Variants in ZNF330 observed in about 807,000 individuals in gnomAD.
ZNF330 encodes the protein zinc finger protein 330.
Under a neutral mutation model 45.5 loss-of-function variants are expected in ZNF330, and 31 were observed. The observed-to-expected ratio is 0.68, with a 90% CI of 0.51 to 0.92. The LOEUF is 0.92. Ranked by LOEUF, ZNF330 falls within the 40% of genes least tolerant of loss-of-function variation. The probability of loss-of-function intolerance (pLI) is 0.00; values close to 1 mark genes in which losing one functional copy is unlikely to be tolerated. For missense variants in ZNF330, 356 were observed against 387.4 expected (o/e 0.92, Z 0.68); for synonymous variants, 138 against 123.2 (o/e 1.12, Z -0.79).
chr4:141,231,540 C>A, intron 8 of ZNF330, 55 bp downstream of exon 8: 2 of 1,325,924 alleles, frequency 1.5e-6, no homozygotes, highest in Non-Finnish European at 2.1e-6. Flanking sequence ...CTATACCCCT[C>A]CACCAGTCCT....
At chr4:141,227,833 C>A (rs1252143391) in intron 5 of ZNF330, among the ~76,000 whole-genome samples, 2 of 152,046 alleles carry the variant, frequency 1.3e-5, no homozygotes, top group African/African-American at 2.4e-5. Context: ...ATTTAACATA[C>A]CTCTTCATTA....
At chr4:141,224,868 T>C (rs1013097959) in intron 4 of ZNF330, among the ~76,000 whole-genome samples, 191 bp downstream of exon 4, 8 of 152,122 alleles carry the variant, frequency 5.3e-5, no homozygotes, top group African/African-American at 1.9e-4. Context: ...TTTGTCTCTT[T>C]GATGTAATGC....
chr4:141,223,601 G>A (rs1051553052), intron 2 of ZNF330, among the ~76,000 whole-genome samples: 2 of 152,212 alleles, frequency 1.3e-5, no homozygotes, highest in African/African-American at 4.8e-5. Flanking sequence ...TATTGGGGTT[G>A]GTTGGGTGAG....
chr4:141,223,716 A>C (rs531906472), intron 2 of ZNF330: 1 of 455,974 alleles, frequency 2.2e-6, no homozygotes, highest in African/African-American at 2.0e-5. Context: ...AAATATATAT[A>C]ATGACAGCTA....
intron 2 of ZNF330, chr4:141,222,998 C>T (rs1183711095): frequency 6.6e-6 from 1 of 152,654 alleles, no homozygotes; most frequent in Admixed American, 6.5e-5. Context: ...ATCATTACCT[C>T]TTTCATTGAC....
intron 5 of ZNF330, 65 bp downstream of exon 5, chr4:141,226,911 G>A: frequency 7.5e-7 from 1 of 1,325,914 alleles, no homozygotes; most frequent in Non-Finnish European, 1.1e-6. Flanking sequence ...ATTCTGATCA[G>A]TGGTTATTTT....
chr4:141,229,422 G>T (rs961633398), intron 5 of ZNF330, 149 bp from the exon 6 acceptor site: 4 of 991,034 alleles, frequency 4.0e-6, no homozygotes, highest in Non-Finnish European at 3.0e-6. Flanking sequence ...GGCTTAGAGT[G>T]AGTAGTAAAA....
At position 141,230,246 on chromosome 4, in the gene ZNF330, G is replaced by A; in HGVS notation, c.499G>A (p.Val167Ile). ...ATTTGAGCATCAAGCCAGCTGCCAG[G>A]TTTTAGAGGCAGAAACATTTAAATG... The part of the protein sequence containing the change: ...DQFEHQASCQ[V>I]LEAETFKCVS... Residue 167 changes from valine (V) to isoleucine (I), a missense_variant, in exon 7 of 10, where the codon GTT becomes ATT. Coordinates refer to ENST00000262990, the MANE Select transcript of ZNF330 (RefSeq NM_014487.6). 1 of 1,609,358 alleles carries A rather than the reference G, an allele frequency of 6.2e-7. No individual in the cohort carries two copies. The highest frequency in any genetic ancestry group is 1.1e-5 in the South Asian group (1 of 90,298).
At chr4:141,233,431 A>G (rs1729007461) in intron 9 of ZNF330, among the ~76,000 whole-genome samples, 1 of 152,170 alleles carries the variant, frequency 6.6e-6, no homozygotes, top group South Asian at 2.1e-4. Context: ...TTGAAAATAA[A>G]CTGTCAGTGG....
At chr4:141,232,427 C>A in intron 8 of ZNF330, 98 bp from the exon 9 acceptor site, 1 of 574,830 alleles carries the variant, frequency 1.7e-6, no homozygotes, top group Non-Finnish European at 2.7e-6. Context: ...GTTAATCTCA[C>A]TGCCTTAATA....
intron 7 of ZNF330, 53 bp downstream of exon 7, chr4:141,230,323 A>G: frequency 9.5e-7 from 1 of 1,057,662 alleles, no homozygotes; most frequent in South Asian, 1.7e-5. Flanking sequence ...GAATAGTATA[A>G]TTATTAATCT....
At chr4:141,225,489 T>TC (rs10655485) in intron 4 of ZNF330, among the ~76,000 whole-genome samples, 17,274 of 150,392 alleles carry the variant, frequency 0.11, 3,258 homozygotes, top group African/African-American at 0.39. Flanking sequence ...TAGATTTACA[T>TC]CCCCCCCCAA....
intron 2 of ZNF330, chr4:141,223,733 G>C: frequency 2.2e-6 from 1 of 456,068 alleles, no homozygotes; most frequent in Non-Finnish European, 4.4e-6. Flanking sequence ...GCTAGATTTT[G>C]GAAGTGCTTC....
chr4:141,228,229 TCA>T (rs1335062837), intron 5 of ZNF330, among the ~76,000 whole-genome samples: 2 of 152,178 alleles, frequency 1.3e-5, no homozygotes, highest in Non-Finnish European at 2.9e-5. Flanking sequence ...AAAAACACTT[TCA>T]GTCTTCCTTG....
Position 141,234,027 on chromosome 4 carries a change from A to C in ZNF330, c.*38A>C, listed in dbSNP as rs780167922. 1.0e-5 allele frequency: 16 copies of C among 1,579,102 alleles called. No homozygotes were observed. In the South Asian group the frequency reaches 1.4e-4, roughly 14 times the overall value. ...GGTGGCCGTGTGTGAGAGGAGCAGG[A>C]GTGAGTGTGTGTGCTTGATGAATTG... On this transcript the variant is annotated 3_prime_UTR_variant, in exon 10 of 10. Transcript: ENST00000262990.
chr4:141,229,452 A>G (rs985976225), intron 5 of ZNF330, 119 bp from the exon 6 acceptor site: 8 of 1,282,364 alleles, frequency 6.2e-6, no homozygotes, highest in African/African-American at 1.5e-5. Flanking sequence ...GAAGCGGCCT[A>G]CTATCATTGA....
intron 9 of ZNF330, 100 bp from the exon 10 acceptor site, chr4:141,233,611 TGGGA>T: frequency 4.1e-6 from 6 of 1,446,086 alleles, no homozygotes; most frequent in Admixed American, 2.8e-5. Context: ...TTTTTTCATT[TGGGA>T]TTGAAGCAGC....
intron 2 of ZNF330, among the ~76,000 whole-genome samples, chr4:141,223,100 A>T (rs1385211308): frequency 6.6e-6 from 1 of 152,010 alleles, no homozygotes; most frequent in Non-Finnish European, 1.5e-5. Flanking sequence ...TTTGTCAAAC[A>T]TACATGAATT....
intron 9 of ZNF330, among the ~76,000 whole-genome samples, chr4:141,233,368 C>T (rs764515243): frequency 6.6e-6 from 1 of 151,974 alleles, no homozygotes; most frequent in Non-Finnish European, 1.5e-5. Flanking sequence ...AAATAGCTGT[C>T]TTAAGAAAAA....
Sources: allele counts gnomAD v4.1 joint callset (sites outside exome capture counted in the v4.1 genomes callset), GRCh38; gene constraint gnomAD v4.1.1; transcripts MANE v1.5; gene names NCBI Gene and HGNC (gene_info 2026-07-23, HGNC 2026-07-21).